CHPF2: variants seen among roughly 807,000 people sequenced by gnomAD.
CHPF2 encodes the protein chondroitin polymerizing factor 2, also known as chondroitin polymerizing factor 2, non-catalytic subunit.
Under a neutral mutation model 63.0 loss-of-function variants are expected in CHPF2, and 58 were observed. The observed-to-expected ratio is 0.92, with a 90% CI of 0.75 to 1.15. The LOEUF (loss-of-function observed/expected upper bound fraction) is 1.15, where lower values mean the gene tolerates loss of function less well. Among genes scored for constraint, CHPF2 ranks in the 50% most tolerant of loss-of-function variants. CHPF2 has a pLI of 0.00. For missense variants in CHPF2, 1,045 were observed against 1,035.4 expected (o/e 1.01, Z -0.13); for synonymous variants, 442 against 438.0 (o/e 1.01, Z -0.11).
rs1203178424 is a variant in CHPF2, at chr7:151,235,374, G to A, written c.590G>A (p.Gly197Asp). ...GCCCCCCGCCTGGCAGCCCTTGCTG[G>A]CCACCTCAGCATCAACCAAGACCTG... Reference protein sequence around the residue: ...VQAPRLAALAGHLSINQDLYL... With the variant: ...VQAPRLAALADHLSINQDLYL... Residue 197 changes from glycine (G) to aspartate (D), a missense_variant, in exon 2 of 4, where the codon GGC becomes GAC. Transcript: ENST00000035307. 6.2e-7 allele frequency: 1 copy of A among 1,613,712 alleles called. No homozygotes were observed. Among genetic ancestry groups the A allele is most frequent in the South Asian group, 1.1e-5 (1 of 91,080 alleles).
chr7:151,234,691 ATGTTGGTC>A (rs1802578334), intron 1 of CHPF2, among the ~76,000 whole-genome samples: 1 of 152,044 alleles, frequency 6.6e-6, no homozygotes, highest in Non-Finnish European at 1.5e-5. Flanking sequence ...AGGTTTCTTC[ATGTTGGTC>A]AGGCTGGTCT....
chr7:151,237,462 A>T lies in CHPF2; in HGVS notation c.1100A>T (p.His367Leu). Reference protein sequence around the residue: ...PVGLPAPFTPHSRFEVLGWDY... With the variant: ...PVGLPAPFTPLSRFEVLGWDY... ...GGGCTCCCTGCTCCTTTCACACCAC[A>T]CTCTCGCTTTGAGGTGCTGGGCTGG... is the stretch of plus-strand genomic sequence containing the variant. The change falls in exon 4 of 4, where the codon CAC becomes CTC. Residue 367 changes from histidine (H) to leucine (L), a missense_variant. Physicochemically the swap from His to Leu is moderately conservative, Grantham distance 99. Transcript: ENST00000035307. The T allele has an allele frequency of 1.2e-6, 2 of 1,613,774 alleles. No individual in the cohort carries two copies. Among genetic ancestry groups the T allele is most frequent in the African/African-American group, 1.3e-5 (1 of 74,996 alleles).
chr7:151,232,796 C>T lies in CHPF2; in HGVS notation c.-1216C>T. 1.3e-6 allele frequency: 2 copies of T among 1,502,386 alleles called. No homozygotes were observed. The highest frequency in any genetic ancestry group is 1.8e-6 in the Non-Finnish European group (2 of 1,132,354). 93.1% of individuals were successfully genotyped at this position (1,502,386 alleles called of 1,614,324 possible). Reference sequence around the variant, plus strand: ...TCTCTGGCGCGGCCTCCGCTCCCGCCGACTGGCCTGAGAACGAGGTCTGTG... The same window carrying T: ...TCTCTGGCGCGGCCTCCGCTCCCGCTGACTGGCCTGAGAACGAGGTCTGTG... On this transcript the variant is annotated 5_prime_UTR_variant, in exon 1 of 4. Transcript: ENST00000035307.
Position 151,238,404 on chromosome 7 carries a change from C to A in CHPF2, c.2042C>A (p.Ala681Glu). Residue 681 changes from alanine to glutamate, a missense_variant, in exon 4 of 4, where the codon GCG (alanine) becomes GAG (glutamate). Coordinates refer to ENST00000035307, the MANE Select transcript of CHPF2 (RefSeq NM_019015.3). Reference sequence around the variant, plus strand: ...TGCTTCTACAACGCTGACTACCTGGCGGCCCGAGCCCGGCTGGCAGGTGAA... The same window carrying A: ...TGCTTCTACAACGCTGACTACCTGGAGGCCCGAGCCCGGCTGGCAGGTGAA... ...EGCFYNADYLAARARLAGELA... is the reference protein window; with the variant it reads ...EGCFYNADYLEARARLAGELA... The A allele has an allele frequency of 6.2e-7, 1 of 1,600,844 alleles. No homozygotes were observed. Among genetic ancestry groups the A allele is most frequent in the Non-Finnish European group, 8.5e-7 (1 of 1,172,532 alleles).
Position 151,232,525 on chromosome 7 carries a change from A to G in CHPF2, c.-1487A>G. 2.0e-6 allele frequency: 1 copy of G among 504,196 alleles called. No homozygotes were observed. The highest frequency in any genetic ancestry group is 3.5e-6 in the Non-Finnish European group (1 of 287,426). The allele number at this position is 504,196 out of a possible 1,614,324, so 31.2% of individuals were successfully genotyped here. On this transcript the variant is annotated 5_prime_UTR_variant, in exon 1 of 4. Transcript: ENST00000035307. ...GGGGCTGTGAGGTGGCAGCGGCTGC[A>G]GCGGCGGAGCCGGCGCCTCAGCGGG...
rs1802495101 is a variant in CHPF2, at chr7:151,232,497, A to T, written c.-1515A>T. The stretch of plus-strand genomic sequence containing the variant: ...CAGGCAGCGGAAGAGGAAGCTGCGG[A>T]CAGGGGCTGTGAGGTGGCAGCGGCT... On this transcript the variant is annotated 5_prime_UTR_variant, in exon 1 of 4. Transcript: ENST00000035307. The T allele has an allele frequency of 1.2e-5, 6 of 485,468 alleles. No homozygotes were observed. The South Asian group carries it at 1.6e-4, about 13-fold the overall frequency. The allele number at this position is 485,468 out of a possible 1,614,324, so 30.1% of individuals were successfully genotyped here.
rs1802597420 is a variant in CHPF2, at chr7:151,235,200, G to A, written c.416G>A (p.Gly139Glu). ...PRLLYFTGQR[G>E]ARAPAGMQVV... ...TTACTCTACTTCACTGGGCAGCGGG[G>A]GGCCCGGGCTCCAGCAGGGATGCAG... The change falls in exon 2 of 4, where the codon GGG (glycine) becomes GAG (glutamate). Residue 139 changes from glycine (G) to glutamate (E), a missense_variant. Physicochemically the swap from Gly to Glu is moderately conservative, Grantham distance 98. Coordinates refer to ENST00000035307, the MANE Select transcript of CHPF2 (RefSeq NM_019015.3). 3 of 1,613,108 alleles carry A rather than the reference G, an allele frequency of 1.9e-6. No homozygotes were observed. The highest frequency in any genetic ancestry group is 1.3e-5 in the African/African-American group (1 of 74,932).
chr7:151,233,200 G>T lies in CHPF2; in HGVS notation c.-812G>T. The T allele has an allele frequency of 9.8e-7, 1 of 1,024,810 alleles. No individual in the cohort carries two copies. Among genetic ancestry groups the T allele is most frequent in the Non-Finnish European group, 1.2e-6 (1 of 856,024 alleles). 63.5% of individuals were successfully genotyped at this position (1,024,810 alleles called of 1,614,324 possible). On this transcript the variant is annotated 5_prime_UTR_variant, in exon 1 of 4. Coordinates refer to ENST00000035307, the MANE Select transcript of CHPF2 (RefSeq NM_019015.3). ...GCACACAGAGTTCCAGTCCCCGCCT[G>T]CTGTCTCCTCAGCAGCTGGGGTTCC...
chr7:151,233,901 AC>A lies in CHPF2; in HGVS notation c.-107del. 7.3e-7 allele frequency: 1 copy of A among 1,366,190 alleles called. No individual in the cohort carries two copies. Among genetic ancestry groups the A allele is most frequent in the Non-Finnish European group, 9.4e-7 (1 of 1,061,820 alleles). The allele number at this position is 1,366,190 out of a possible 1,614,324, so 84.6% of individuals were successfully genotyped here. A position where few individuals can be genotyped will look rare whatever the true frequency, so the allele number is the denominator to read the frequency against. On this transcript the variant is annotated 5_prime_UTR_variant, in exon 1 of 4. An upstream open reading frame in the 5' UTR loses its in-frame stop. Transcript: ENST00000035307. ...CCTCGCTCTGTCTTTGGCCTCATTG[AC>A]CCCAGGTTCTCTGGTTAAAACTGAA... is the stretch of plus-strand genomic sequence containing the variant.
Position 151,233,723 on chromosome 7 carries a change from AC to A in CHPF2, c.-287del. On this transcript the variant is annotated 5_prime_UTR_variant, in exon 1 of 4. Coordinates refer to ENST00000035307, the MANE Select transcript of CHPF2 (RefSeq NM_019015.3). ...TCCTCCTCTTTTTAGTGGAAGACAG[AC>A]CATAATCCCAGTGTGAGTGAAATTG... The A allele has an allele frequency of 8.7e-7, 1 of 1,154,128 alleles. No individual in the cohort carries two copies. Among genetic ancestry groups the A allele is most frequent in the Non-Finnish European group, 1.1e-6 (1 of 938,884 alleles). 71.5% of individuals were successfully genotyped at this position (1,154,128 alleles called of 1,614,324 possible). A position where few individuals can be genotyped will look rare whatever the true frequency, so the allele number is the denominator to read the frequency against.
Position 151,238,273 on chromosome 7 carries a change from A to G in CHPF2, c.1911A>G (p.Pro637=), listed in dbSNP as rs1802752137. The G allele has an allele frequency of 3.7e-6, 6 of 1,610,654 alleles. No homozygotes were observed. Among genetic ancestry groups the G allele is most frequent in the Non-Finnish European group, 5.1e-6 (6 of 1,178,776 alleles). Residue 637 remains proline, a synonymous_variant, in exon 4 of 4, where the codon CCA becomes CCG. Transcript: ENST00000035307. ...CCCTGTCACCACAGAGATCACCCCC[A>G]GGGCCCCCGGGGGCTGGCCCTGACC... ...NPALSPQRSP[P]GPPGAGPDPP... is the part of the protein sequence containing the mutation.
At position 151,238,692 on chromosome 7, in the gene CHPF2, G is replaced by C. The variant is rs915390602; in HGVS notation, c.*11G>C. 2.5e-6 allele frequency: 4 copies of C among 1,605,764 alleles called. No individual in the cohort carries two copies. Among genetic ancestry groups the C allele is most frequent in the African/African-American group, 2.7e-5 (2 of 74,808 alleles). ...GCCAATAGCACTTAGCCCGCCTGGG[G>C]GCCCTAACCTCATTACCTTTCCTTT... On this transcript the variant is annotated 3_prime_UTR_variant, in exon 4 of 4. Transcript: ENST00000035307.
rs150602051 is a variant in CHPF2 at position 151,236,488 on chromosome 7, C to G, written c.909C>G (p.Phe303Leu). 6.2e-7 allele frequency: 1 copy of G among 1,610,364 alleles called. No homozygotes were observed. The highest frequency in any genetic ancestry group is 8.5e-7 in the Non-Finnish European group (1 of 1,177,108). The change falls in exon 3 of 4, where the codon TTC becomes TTG. Residue 303 changes from phenylalanine to leucine, a missense_variant. Physicochemically the swap from Phe to Leu is conservative, Grantham distance 22 (BLOSUM62 0). Transcript: ENST00000035307. ...GGAGCTCGGCTTTCCTGAGTGCCTT[C>G]GCCGTGCACCCTGTCTCCGAAGGTA... ...KEGSSAFLSA[F>L]AVHPVSEGTL...
At chr7:151,235,020 G>C (rs898668257) in intron 1 of CHPF2, 28 bp from the exon 2 acceptor site, 3 of 1,511,058 alleles carry the variant, frequency 2.0e-6, no homozygotes, top group African/African-American at 2.8e-5. Context: ...TTAGGGAGTT[G>C]ACCTCTGGCA....
Position 151,234,195 on chromosome 7 carries a change from G to C in CHPF2, c.184G>C (p.Asp62His), listed in dbSNP as rs1434137202. Residue 62 changes from aspartate to histidine, a missense_variant, in exon 1 of 4, where the codon GAC becomes CAC. By Grantham distance (81) the Asp-to-His change is moderately conservative. Coordinates refer to ENST00000035307, the MANE Select transcript of CHPF2 (RefSeq NM_019015.3). ...GAATCCAGATTCCAGAGCTCGGCTA[G>C]ACCAAAGTGATGAAGACTTCAAACC... Reference protein sequence around the residue: ...PQNPDSRARLDQSDEDFKPRI... With the variant: ...PQNPDSRARLHQSDEDFKPRI... The C allele has an allele frequency of 1.2e-6, 2 of 1,613,678 alleles. No individual in the cohort carries two copies. Among genetic ancestry groups the C allele is most frequent in the East Asian group, 4.5e-5 (2 of 44,816 alleles).
chr7:151,234,059 C>T lies in CHPF2; in HGVS notation c.48C>T (p.Leu16=). ...LLALLRPALP[L]ILGLSLGCSL... is the part of the protein sequence containing the mutation. The stretch of plus-strand genomic sequence containing the variant: ...CTCTGCTGCGGCCAGCGCTTCCCCT[C>T]ATCTTAGGGCTGTCTCTGGGGTGCA... Residue 16 remains leucine, a synonymous_variant, in exon 1 of 4, where the codon CTC becomes CTT. Coordinates refer to ENST00000035307, the MANE Select transcript of CHPF2 (RefSeq NM_019015.3). The T allele has an allele frequency of 6.4e-7, 1 of 1,573,906 alleles. No individual in the cohort carries two copies. Among genetic ancestry groups the T allele is most frequent in the Non-Finnish European group, 8.6e-7 (1 of 1,160,406 alleles).
chr7:151,236,110 A>G lies in CHPF2; in HGVS notation c.829-298A>G, dbSNP rs140153156. ...ATGGGAATCTTTGGGGGAAGAAAGT[A>G]TCATTATTATTATTTTTAATATGTT... On this transcript the variant is annotated intron_variant, in intron 2 of 3. Coordinates refer to ENST00000035307, the MANE Select transcript of CHPF2 (RefSeq NM_019015.3). Among the ~76,000 whole-genome samples the G allele has an allele frequency of 8.5e-5, 13 of 152,344 alleles. No homozygotes were observed. The East Asian group carries it at 2.5e-3, about 29-fold the overall frequency.
At chr7:151,237,271 G>A in intron 3 of CHPF2, 103 bp from the exon 4 acceptor site, 3 of 832,070 alleles carry the variant, frequency 3.6e-6, no homozygotes, top group Non-Finnish European at 5.6e-6. Flanking sequence ...TGTTGATGGA[G>A]TTAGGACAGA....
At position 151,237,828 on chromosome 7, in the gene CHPF2, T is replaced by C; in HGVS notation, c.1466T>C (p.Val489Ala). ...PMPYVTEATR[V>A]QLVLPLLVAE... ...CCCTATGTCACTGAGGCCACCCGAGTGCAGCTGGTGCTGCCACTCCTGGTG... is the reference window on the plus strand; with the variant it reads ...CCCTATGTCACTGAGGCCACCCGAGCGCAGCTGGTGCTGCCACTCCTGGTG... The change falls in exon 4 of 4, where the codon GTG becomes GCG. Residue 489 changes from valine (V) to alanine (A), a missense_variant. Transcript: ENST00000035307. The C allele has an allele frequency of 6.2e-7, 1 of 1,612,622 alleles. No individual in the cohort carries two copies. Among genetic ancestry groups the C allele is most frequent in the Non-Finnish European group, 8.5e-7 (1 of 1,180,006 alleles).
Sources: allele counts gnomAD v4.1 joint callset (sites outside exome capture counted in the v4.1 genomes callset), GRCh38; gene constraint gnomAD v4.1.1; transcripts MANE v1.5; gene names NCBI Gene and HGNC (gene_info 2026-07-23, HGNC 2026-07-21).